Variants in NXPE2 observed in about 807,000 individuals in gnomAD.
NXPE2 encodes the protein NXPE family member 2.
A neutral mutation model predicts 34.4 loss-of-function variants in NXPE2; 34 were observed. That is an observed-to-expected ratio of 0.99 (90% CI 0.75 to 1.31). The LOEUF (loss-of-function observed/expected upper bound fraction) is 1.31, where lower values mean the gene tolerates loss of function less well. NXPE2 is among the 40% of genes most tolerant of loss of function. The probability of loss-of-function intolerance (pLI) is 0.00; values close to 1 mark genes in which losing one functional copy is unlikely to be tolerated. For missense variants in NXPE2, 649 were observed against 672.5 expected, an observed-to-expected ratio of 0.97 and a Z score of 0.39; for synonymous variants, 235 against 231.3, an observed-to-expected ratio of 1.02 and a Z score of -0.15.
chr11:114,795,606 T>G, the NXPE2 span, among the ~76,000 whole-genome samples: 6 of 152,304 alleles, frequency 3.9e-5, no homozygotes, highest in African/African-American at 1.4e-4. Flanking sequence ...CTGGAGAGAC[T>G]CCACCCTGCC....
At chr11:114,625,429 C>T in the NXPE2 span, among the ~76,000 whole-genome samples, 1 of 150,834 alleles carries the variant, frequency 6.6e-6, no homozygotes, top group African/African-American at 2.4e-5. Context: ...ACTTCTACCA[C>T]ATGGATAATA....
the NXPE2 span, among the ~76,000 whole-genome samples, chr11:114,549,287 T>C: frequency 6.6e-6 from 1 of 152,088 alleles, no homozygotes; most frequent in Non-Finnish European, 1.5e-5. Context: ...AAGTATAATG[T>C]ATTTTCCAAA....
At chr11:114,646,887 T>C in the NXPE2 span, among the ~76,000 whole-genome samples, 1 of 152,158 alleles carries the variant, frequency 6.6e-6, no homozygotes, top group Non-Finnish European at 1.5e-5. Flanking sequence ...AGGAACTTGA[T>C]AGAAGCAAGG....
chr11:114,521,984 A>G, the NXPE2 span: 3 of 1,611,498 alleles, frequency 1.9e-6, no homozygotes, highest in Admixed American at 5.0e-5. Context: ...AATGTAGTTT[A>G]AGAACATGTT....
chr11:114,691,343 C>T (rs1217494953), intron 2 of NXPE2, among the ~76,000 whole-genome samples: 2 of 151,400 alleles, frequency 1.3e-5, no homozygotes, highest in Non-Finnish European at 2.9e-5. Context: ...TTTCAGGGTG[C>T]CTAAGCTCTT....
chr11:114,682,440 C>G (rs915040599), intron 2 of NXPE2, among the ~76,000 whole-genome samples: 7 of 152,038 alleles, frequency 4.6e-5, no homozygotes, highest in African/African-American at 1.7e-4. Flanking sequence ...CCCTGTGTCT[C>G]AGGAATGCAG....
the NXPE2 span, among the ~76,000 whole-genome samples, chr11:114,807,780 CA>C: frequency 6.5e-3 from 984 of 151,946 alleles, 8 homozygotes; most frequent in African/African-American, 0.023. Flanking sequence ...TTAGACAGAT[CA>C]AACGAGACAG....
At chr11:114,638,690 C>A in the NXPE2 span, among the ~76,000 whole-genome samples, 1 of 152,084 alleles carries the variant, frequency 6.6e-6, no homozygotes, top group Non-Finnish European at 1.5e-5. Context: ...ACAGACAGGA[C>A]CGTCAGCTGC....
chr11:114,750,187 C>T, the NXPE2 span, among the ~76,000 whole-genome samples: 1 of 152,208 alleles, frequency 6.6e-6, no homozygotes, highest in Non-Finnish European at 1.5e-5. Context: ...TAGAATCAAA[C>T]TCTTCAATAA....
At chr11:114,671,738 T>A in the NXPE2 span, among the ~76,000 whole-genome samples, 4 of 151,956 alleles carry the variant, frequency 2.6e-5, no homozygotes, top group East Asian at 7.7e-4. Flanking sequence ...AATTCTCAGA[T>A]AAACAAAACT....
chr11:114,545,055 C>A, the NXPE2 span, among the ~76,000 whole-genome samples: 1 of 152,006 alleles, frequency 6.6e-6, no homozygotes, highest in East Asian at 1.9e-4. Flanking sequence ...AAAAAAAAAC[C>A]TGACAATACC....
At chr11:114,602,850 CAT>C in the NXPE2 span, among the ~76,000 whole-genome samples, 5 of 146,642 alleles carry the variant, frequency 3.4e-5, no homozygotes, top group Non-Finnish European at 6.0e-5. Context: ...TACAGAATCA[CAT>C]ATAATTATCT....
chr11:114,626,076 C>A, the NXPE2 span, among the ~76,000 whole-genome samples: 19 of 152,296 alleles, frequency 1.2e-4, no homozygotes, highest in Admixed American at 6.5e-4. Flanking sequence ...GATCAAACTG[C>A]AAGGCGGCAG....
chr11:114,649,586 A>C, the NXPE2 span, among the ~76,000 whole-genome samples: 1 of 152,196 alleles, frequency 6.6e-6, no homozygotes, highest in Non-Finnish European at 1.5e-5. Context: ...TAGGTAAAAA[A>C]CATCTTGAGA....
chr11:114,737,462 T>C, the NXPE2 span, among the ~76,000 whole-genome samples: 1 of 152,120 alleles, frequency 6.6e-6, no homozygotes, highest in African/African-American at 2.4e-5. Context: ...AAAATGAATT[T>C]AAAATATTTA....
the NXPE2 span, chr11:114,584,217 T>C: frequency 2.5e-6 from 1 of 397,780 alleles, no homozygotes. Flanking sequence ...TGGCTCTGGA[T>C]ATGGAGATCC....
chr11:114,677,327 C>T (rs1357970906), upstream of NXPE2, among the ~76,000 whole-genome samples: 2 of 152,046 alleles, frequency 1.3e-5, no homozygotes, highest in African/African-American at 4.8e-5. Context: ...TGTTAATTAG[C>T]TTGATTGTAG....
the NXPE2 span, among the ~76,000 whole-genome samples, chr11:114,483,793 A>C: frequency 6.6e-6 from 1 of 151,900 alleles, no homozygotes; most frequent in South Asian, 2.1e-4. Context: ...CTGTGATCAC[A>C]CTCCCTTCCT....
At chr11:114,748,093 G>A in the NXPE2 span, among the ~76,000 whole-genome samples, 1 of 152,082 alleles carries the variant, frequency 6.6e-6, no homozygotes, top group Non-Finnish European at 1.5e-5. Context: ...ATTTCACTAA[G>A]CATCTTTCTT....
Sources: gnomAD v4.1 joint callset for allele counts (sites outside exome capture counted in the v4.1 genomes callset) on GRCh38, gnomAD v4.1.1 for gene constraint, MANE v1.5 for transcripts, NCBI Gene and HGNC (gene_info 2026-07-23, HGNC 2026-07-21) for gene names.